Variants in FRYL observed in about 807,000 individuals in gnomAD.
FRYL encodes FRY like transcription coactivator.
A neutral mutation model predicts 351.2 loss-of-function variants in FRYL; 150 were observed. That is an observed-to-expected ratio of 0.43 (90% CI 0.37 to 0.49). FRYL has a LOEUF of 0.49. FRYL is among the 20% of genes least tolerant of loss of function. FRYL has a pLI of 0.00. For missense variants in FRYL, 3,036 were observed against 3,619.3 expected (o/e 0.84, Z 4.13); for synonymous variants, 1,153 against 1,257.1 (o/e 0.92, Z 1.75).
In FRYL at chr4:48,573,242, C is replaced by G; in HGVS notation, c.2848G>C (p.Glu950Gln). Reference sequence around the variant, plus strand: ...ATGGGATGTAATTCCTCTATTAGTTCCCTGGAAGAAAAATGGTACATATTC... The same window carrying G: ...ATGGGATGTAATTCCTCTATTAGTTGCCTGGAAGAAAAATGGTACATATTC... ...LGRTNPGAFR[E>Q]LIEELHPIIK... Residue 950 changes from glutamate to glutamine, a missense_variant and splice_region_variant, in exon 26 of 64, where the codon GAA (glutamate) becomes CAA (glutamine). Physicochemically the swap from Glu to Gln is conservative, Grantham distance 29. This residue lies in a region of FRYL where 492 missense variants were observed against 551.5 expected (regional missense o/e 0.89). Transcript: ENST00000358350. The G allele has an allele frequency of 6.2e-7, 1 of 1,602,966 alleles. No homozygotes were observed. Among genetic ancestry groups the G allele is most frequent in the Non-Finnish European group, 8.5e-7 (1 of 1,170,370 alleles).
At chr4:48,634,675 T>C (rs1332196144) in intron 3 of FRYL, among the ~76,000 whole-genome samples, 185 bp from the exon 4 acceptor site, 1 of 152,204 alleles carries the variant, frequency 6.6e-6, no homozygotes, top group Non-Finnish European at 1.5e-5. Context: ...ACATATCATG[T>C]ATATTATGTA....
intron 33 of FRYL, among the ~76,000 whole-genome samples, chr4:48,560,985 G>A (rs1735371213): frequency 6.6e-6 from 1 of 152,196 alleles, no homozygotes; most frequent in Admixed American, 6.5e-5. Flanking sequence ...AGATCTTGAT[G>A]TAGGCGACAA....
At chr4:48,708,976 C>A (rs181238264) in intron 2 of FRYL, among the ~76,000 whole-genome samples, 1 of 150,096 alleles carries the variant, frequency 6.7e-6, no homozygotes, top group Non-Finnish European at 1.5e-5. Flanking sequence ...AGGCTGGATG[C>A]GGTGGCGCGA....
chr4:48,735,232 ACTG>A, intron 1 of FRYL, among the ~76,000 whole-genome samples: 1 of 92,686 alleles, frequency 1.1e-5, no homozygotes, highest in Admixed American at 1.4e-4. Context: ...GCTCATCATC[ACTG>A]GTCATCAGAG....
chr4:48,658,384 C>T (rs1050490230), intron 3 of FRYL, among the ~76,000 whole-genome samples: 1 of 151,860 alleles, frequency 6.6e-6, no homozygotes, highest in African/African-American at 2.4e-5. Context: ...CTTCTACAGC[C>T]CCCACAGATT....
At chr4:48,719,430 A>G (rs1769219107) in intron 1 of FRYL, among the ~76,000 whole-genome samples, 1 of 151,730 alleles carries the variant, frequency 6.6e-6, no homozygotes, top group Non-Finnish European at 1.5e-5. Context: ...TAAAATGAGA[A>G]TAACACCTTC....
intron 1 of FRYL, among the ~76,000 whole-genome samples, chr4:48,712,770 A>AAGACACG: frequency 1.3e-5 from 2 of 151,648 alleles, no homozygotes; most frequent in Non-Finnish European, 3.0e-5. Flanking sequence ...TCCAAGACAC[A>AAGACACG]TAATTGTCAG....
chr4:48,705,821 C>G (rs1250417641), intron 2 of FRYL, among the ~76,000 whole-genome samples: 2 of 152,030 alleles, frequency 1.3e-5, no homozygotes, highest in African/African-American at 2.4e-5. Flanking sequence ...TATTCACACC[C>G]TTAAGTATTC....
intron 1 of FRYL, among the ~76,000 whole-genome samples, chr4:48,746,561 A>G (rs1357609839): frequency 6.6e-6 from 1 of 151,920 alleles, no homozygotes; most frequent in East Asian, 1.9e-4. Flanking sequence ...AAAAAAAAGA[A>G]AAAGAAAACA....
At chr4:48,575,485 TAA>T (rs1340330104) in intron 24 of FRYL, among the ~76,000 whole-genome samples, 1 of 152,212 alleles carries the variant, frequency 6.6e-6, no homozygotes, top group Non-Finnish European at 1.5e-5. Context: ...CATGATCATA[TAA>T]TAGGCTGACT....
intron 1 of FRYL, among the ~76,000 whole-genome samples, chr4:48,732,218 A>G (rs1431761856): frequency 6.6e-6 from 1 of 152,224 alleles, no homozygotes; most frequent in South Asian, 2.1e-4. Context: ...AATCAAAACC[A>G]CAATGAGATA....
chr4:48,587,577 CTT>C (rs570771334), intron 18 of FRYL, among the ~76,000 whole-genome samples: 46 of 151,496 alleles, frequency 3.0e-4, no homozygotes, highest in African/African-American at 1.1e-3. Context: ...GAGTTTCGCT[CTT>C]GTTGCCCAGA....
chr4:48,536,738 G>A (rs1348756274), intron 47 of FRYL, among the ~76,000 whole-genome samples: 4 of 152,076 alleles, frequency 2.6e-5, no homozygotes, highest in African/African-American at 7.2e-5. Context: ...CTATCTTATG[G>A]ATGTTTTGTA....
rs193063029 is a variant in FRYL at position 48,757,689 on chromosome 4, C to T, written c.-384+22389G>A. Among the ~76,000 whole-genome samples, 1,391 of 152,266 alleles carry T rather than the reference C, an allele frequency of 9.1e-3. 11 individuals carry two copies. Among genetic ancestry groups the T allele is most frequent in the Admixed American group, 0.013 (194 of 15,286 alleles). ...CCCAAGGTAATTTATACATTCAATG[C>T]CATCCCCATCAAGCTACCAAAGACT... On this transcript the variant is annotated intron_variant, in intron 1 of 63. Transcript: ENST00000358350.
chr4:48,696,152 T>C (rs1019003901), intron 2 of FRYL, among the ~76,000 whole-genome samples: 13 of 152,126 alleles, frequency 8.5e-5, no homozygotes, highest in Non-Finnish European at 1.6e-4. Context: ...AGAAATACCA[T>C]TTGATCCAGC....
At chr4:48,592,010 C>T (rs1383962610) in intron 16 of FRYL, among the ~76,000 whole-genome samples, 1 of 149,548 alleles carries the variant, frequency 6.7e-6, no homozygotes, top group African/African-American at 2.5e-5. Flanking sequence ...CCAGTGGTCT[C>T]TCAAGTGGGG....
intron 13 of FRYL, among the ~76,000 whole-genome samples, chr4:48,598,569 A>G (rs996501198): frequency 2.0e-5 from 3 of 152,186 alleles, no homozygotes; most frequent in African/African-American, 7.2e-5. Flanking sequence ...GTTAAACAGA[A>G]TATTTTAAAA....
intron 2 of FRYL, among the ~76,000 whole-genome samples, chr4:48,703,107 G>A (rs1027941394): frequency 2.0e-5 from 3 of 152,140 alleles, no homozygotes; most frequent in Non-Finnish European, 4.4e-5. Flanking sequence ...TTCAATACCA[G>A]ATGGGATCTC....
intron 7 of FRYL, among the ~76,000 whole-genome samples, chr4:48,616,509 A>G (rs1749464879): frequency 6.6e-6 from 1 of 152,178 alleles, no homozygotes; most frequent in Non-Finnish European, 1.5e-5. Context: ...CAGGGATAAT[A>G]ACTTGCCCAA....
Sources: allele counts gnomAD v4.1 joint callset (sites outside exome capture counted in the v4.1 genomes callset), GRCh38; gene constraint gnomAD v4.1.1; regional missense constraint gnomAD v4.1.1; transcripts MANE v1.5; gene names NCBI Gene and HGNC (gene_info 2026-07-23, HGNC 2026-07-21).